Variants in GABRB2 observed in about 807,000 individuals in gnomAD.
GABRB2 encodes gamma-aminobutyric acid type A receptor subunit beta2.
A neutral mutation model predicts 54.7 loss-of-function variants in GABRB2; 16 were observed. The ratio of observed to expected loss-of-function variants is 0.29; its 90% CI spans 0.20 to 0.44. GABRB2 has a LOEUF of 0.44. GABRB2 is among the 20% of genes least tolerant of loss of function. GABRB2 has a pLI of 1.00. For synonymous variants in GABRB2, 244 were observed against 233.8 expected (o/e 1.04, Z -0.40); for missense variants, 355 against 644.0 (o/e 0.55, Z 4.86).
chr5:161,352,207 T>C (rs565752457), intron 5 of GABRB2, among the ~76,000 whole-genome samples: 1 of 152,152 alleles, frequency 6.6e-6, no homozygotes, highest in East Asian at 1.9e-4. Context: ...ACTGGGTATA[T>C]ATACAAAGGA....
intron 9 of GABRB2, among the ~76,000 whole-genome samples, chr5:161,309,890 C>T (rs1399618898): frequency 6.6e-6 from 1 of 152,124 alleles, no homozygotes; most frequent in Non-Finnish European, 1.5e-5. Flanking sequence ...CTCGGCCTCC[C>T]AAAGTGCTGG....
intron 4 of GABRB2, among the ~76,000 whole-genome samples, chr5:161,434,834 T>G (rs1347580542): frequency 6.6e-6 from 1 of 152,210 alleles, no homozygotes; most frequent in Non-Finnish European, 1.5e-5. Flanking sequence ...GAGGCCACAG[T>G]GGCCAATGAA....
At chr5:161,423,040 G>A (rs1753597053) in intron 4 of GABRB2, among the ~76,000 whole-genome samples, 1 of 152,012 alleles carries the variant, frequency 6.6e-6, no homozygotes, top group Non-Finnish European at 1.5e-5. Flanking sequence ...TTCCATCTTT[G>A]AAAAGCTATG....
At chr5:161,406,895 T>C (rs966450286) in intron 5 of GABRB2, among the ~76,000 whole-genome samples, 5 of 152,100 alleles carry the variant, frequency 3.3e-5, no homozygotes, top group African/African-American at 1.2e-4. Flanking sequence ...GTTTTATGTC[T>C]TCTAGTTCTT....
intron 3 of GABRB2, among the ~76,000 whole-genome samples, chr5:161,497,101 T>C (rs984283521): frequency 2.0e-5 from 3 of 152,156 alleles, no homozygotes; most frequent in Non-Finnish European, 4.4e-5. Context: ...GTTTAAAAAC[T>C]GAGTTCAAAG....
At chr5:161,341,984 AT>A (rs1754181184) in intron 5 of GABRB2, among the ~76,000 whole-genome samples, 1 of 108,318 alleles carries the variant, frequency 9.2e-6, no homozygotes, top group Admixed American at 9.5e-5. Flanking sequence ...CTTTATTATT[AT>A]TTTTTCTAGT....
At chr5:161,546,521 A>T in intron 1 of GABRB2, 46 bp downstream of exon 1, 1 of 1,575,696 alleles carries the variant, frequency 6.3e-7, no homozygotes, top group Non-Finnish European at 8.7e-7. Flanking sequence ...TGCAGACAGA[A>T]CCCTTCAAAG....
chr5:161,362,796 A>T (rs894085869), intron 5 of GABRB2, among the ~76,000 whole-genome samples: 1 of 152,214 alleles, frequency 6.6e-6, no homozygotes, highest in African/African-American at 2.4e-5. Context: ...GTCACTGGTC[A>T]TTAGAGAAAT....
At chr5:161,527,722 G>A (rs1760326910) in intron 3 of GABRB2, among the ~76,000 whole-genome samples, 1 of 151,580 alleles carries the variant, frequency 6.6e-6, no homozygotes, top group East Asian at 1.9e-4. Flanking sequence ...ACACGGAAGA[G>A]TGTCTGAGAT....
At chr5:161,535,444 C>A (rs1760603350) in intron 3 of GABRB2, among the ~76,000 whole-genome samples, 1 of 151,522 alleles carries the variant, frequency 6.6e-6, no homozygotes, top group African/African-American at 2.4e-5. Flanking sequence ...CCAACTGTTT[C>A]CAAAAAAATA....
intron 5 of GABRB2, among the ~76,000 whole-genome samples, chr5:161,367,833 T>A (rs1755013482): frequency 6.6e-6 from 1 of 152,100 alleles, no homozygotes; most frequent in African/African-American, 2.4e-5. Context: ...CAGGAAATAG[T>A]CAACAGAATT....
intron 3 of GABRB2, 128 bp from the exon 4 acceptor site, chr5:161,459,972 T>C (rs1758069553): frequency 1.7e-6 from 1 of 581,636 alleles, no homozygotes; most frequent in African/African-American, 1.9e-5. Context: ...TGAGACAGGG[T>C]CTCACTCTGT....
chr5:161,487,332 A>G (rs1364543030), intron 3 of GABRB2, among the ~76,000 whole-genome samples: 2 of 152,036 alleles, frequency 1.3e-5, no homozygotes, highest in African/African-American at 4.8e-5. Flanking sequence ...AAGTGGTACA[A>G]ATTGGACTGG....
intron 3 of GABRB2, among the ~76,000 whole-genome samples, chr5:161,471,729 T>C (rs1316873740): frequency 6.6e-6 from 1 of 151,972 alleles, no homozygotes; most frequent in Non-Finnish European, 1.5e-5. Context: ...TCTTAATATG[T>C]AAAATTCCTA....
At chr5:161,412,441 C>T (rs1042514889) in intron 4 of GABRB2, among the ~76,000 whole-genome samples, 20 of 152,146 alleles carry the variant, frequency 1.3e-4, no homozygotes, top group Admixed American at 3.9e-4. Context: ...TCTACATCCC[C>T]GATGCCTTAC....
At chr5:161,382,890 A>G (rs2113486285) in intron 5 of GABRB2, among the ~76,000 whole-genome samples, 1 of 152,288 alleles carries the variant, frequency 6.6e-6, no homozygotes, top group African/African-American at 2.4e-5. Context: ...AGGTCCCCTG[A>G]GCCGATCTCT....
chr5:161,424,782 TA>T (rs752464430), intron 4 of GABRB2, among the ~76,000 whole-genome samples: 4 of 152,152 alleles, frequency 2.6e-5, no homozygotes, highest in Non-Finnish European at 5.9e-5. Context: ...TGCTGTCATG[TA>T]TAGTGATTCC....
chr5:161,446,067 T>C (rs1455530115), intron 4 of GABRB2, among the ~76,000 whole-genome samples: 4 of 152,204 alleles, frequency 2.6e-5, no homozygotes, highest in South Asian at 4.1e-4. Context: ...CTTTATCATA[T>C]TATTATGTTT....
chr5:161,316,115 A>G (rs1292162054), intron 9 of GABRB2, among the ~76,000 whole-genome samples: 3 of 152,190 alleles, frequency 2.0e-5, no homozygotes. Flanking sequence ...CAAGGAAACA[A>G]TGAGTATCTT....
Sources: allele counts gnomAD v4.1 joint callset (sites outside exome capture counted in the v4.1 genomes callset), GRCh38; gene constraint gnomAD v4.1.1; transcripts MANE v1.5; gene names NCBI Gene and HGNC (gene_info 2026-07-23, HGNC 2026-07-21).